Variants in ZBTB20 observed in about 807,000 individuals in gnomAD.
ZBTB20 encodes the protein zinc finger and BTB domain-containing protein 20.
Under a neutral mutation model 56.9 loss-of-function variants are expected in ZBTB20, and 9 were observed. That is an observed-to-expected ratio of 0.16 (90% confidence interval 0.10 to 0.28). The LOEUF is 0.28. ZBTB20 is among the 10% of genes least tolerant of loss of function. The probability of loss-of-function intolerance (pLI) is 1.00; values close to 1 mark genes in which losing one functional copy is unlikely to be tolerated. For missense variants in ZBTB20, 655 were observed against 1,003.0 expected, an observed-to-expected ratio of 0.65 and a Z score of 4.69; for synonymous variants, 417 against 420.7, an observed-to-expected ratio of 0.99 and a Z score of 0.11.
intron 5 of ZBTB20, among the ~76,000 whole-genome samples, chr3:114,741,854 CTGGGTGACA>C (rs2066615271): frequency 6.7e-6 from 1 of 148,618 alleles, no homozygotes; most frequent in Admixed American, 6.8e-5. Context: ...GCACTCCAGC[CTGGGTGACA>C]GAGCAAGACT....
chr3:115,066,706 CCATCTT>C (rs1242458356), intron 2 of ZBTB20, among the ~76,000 whole-genome samples: 1 of 152,050 alleles, frequency 6.6e-6, no homozygotes, highest in East Asian at 1.9e-4. Context: ...ACTTATCCCT[CCATCTT>C]CATCTCCTGT....
intron 4 of ZBTB20, among the ~76,000 whole-genome samples, chr3:114,846,076 G>A (rs2074687266): frequency 6.6e-6 from 1 of 152,108 alleles, no homozygotes; most frequent in African/African-American, 2.4e-5. Flanking sequence ...AAACACACAA[G>A]AGATATGTAT....
At chr3:114,768,438 G>A (rs556527337) in intron 5 of ZBTB20, among the ~76,000 whole-genome samples, 2 of 151,970 alleles carry the variant, frequency 1.3e-5, no homozygotes, top group Admixed American at 1.3e-4. Flanking sequence ...TTGAACATTA[G>A]TCTAATACTT....
At chr3:114,962,292 A>G (rs967108277) in intron 3 of ZBTB20, among the ~76,000 whole-genome samples, 1 of 152,134 alleles carries the variant, frequency 6.6e-6, no homozygotes, top group Admixed American at 6.5e-5. Flanking sequence ...ACAACCATAC[A>G]CAAAATTGTA....
At chr3:114,867,777 C>G (rs1286245598) in intron 4 of ZBTB20, among the ~76,000 whole-genome samples, 2 of 152,156 alleles carry the variant, frequency 1.3e-5, no homozygotes, top group Non-Finnish European at 2.9e-5. Context: ...AGCTATAAAC[C>G]ATAGGGGCAT....
chr3:115,008,226 G>A (rs555946145), intron 2 of ZBTB20, among the ~76,000 whole-genome samples: 1 of 151,818 alleles, frequency 6.6e-6, no homozygotes, highest in Admixed American at 6.6e-5. Flanking sequence ...TCAAACTGCA[G>A]TTTTTAAATC....
At chr3:114,784,739 C>T (rs191259703) in intron 5 of ZBTB20, among the ~76,000 whole-genome samples, 1 of 152,042 alleles carries the variant, frequency 6.6e-6, no homozygotes, top group Non-Finnish European at 1.5e-5. Context: ...TGAATAAATG[C>T]CAGTTTTTCC....
chr3:114,621,419 T>C (rs1039427553), intron 6 of ZBTB20, among the ~76,000 whole-genome samples: 19 of 152,264 alleles, frequency 1.2e-4, no homozygotes, highest in Admixed American at 1.0e-3. Context: ...AGATATATGG[T>C]TGTGCGTATA....
chr3:114,884,544 CA>C (rs1412484868), intron 4 of ZBTB20, among the ~76,000 whole-genome samples: 3 of 152,086 alleles, frequency 2.0e-5, no homozygotes, highest in African/African-American at 7.2e-5. Flanking sequence ...AAGGAAAATT[CA>C]ATCAAAGATC....
At chr3:114,355,291 T>C (rs1377284190) in intron 10 of ZBTB20, among the ~76,000 whole-genome samples, 2 of 152,168 alleles carry the variant, frequency 1.3e-5, no homozygotes, top group Admixed American at 1.3e-4. Context: ...GCGATAATAT[T>C]GCCACCAACT....
chr3:115,124,191 G>C (rs1489335973), intron 1 of ZBTB20, among the ~76,000 whole-genome samples: 2 of 152,172 alleles, frequency 1.3e-5, no homozygotes, highest in Non-Finnish European at 2.9e-5. Context: ...AGTAATGTAA[G>C]TGAATAGTAT....
chr3:114,631,226 A>G (rs754903356), intron 6 of ZBTB20, among the ~76,000 whole-genome samples: 1 of 152,030 alleles, frequency 6.6e-6, no homozygotes. Flanking sequence ...CAGAAGAGTC[A>G]TTACAAACAA....
chr3:115,003,526 C>T (rs2079341003), intron 2 of ZBTB20, among the ~76,000 whole-genome samples: 2 of 151,254 alleles, frequency 1.3e-5, no homozygotes, highest in African/African-American at 4.8e-5. Context: ...AAACAGGAAA[C>T]ATAAAACAAC....
intron 6 of ZBTB20, among the ~76,000 whole-genome samples, chr3:114,641,047 T>C (rs1348333040): frequency 6.6e-6 from 1 of 152,118 alleles, no homozygotes; most frequent in Non-Finnish European, 1.5e-5. Context: ...AACATTATTA[T>C]TAACCCTTTC....
chr3:114,665,812 A>G (rs17681249), intron 6 of ZBTB20, among the ~76,000 whole-genome samples: 1 of 152,040 alleles, frequency 6.6e-6, no homozygotes, highest in African/African-American at 2.4e-5. Context: ...ATGTTACTTA[A>G]CAGACATCAC....
At chr3:115,045,959 C>CCATTG (rs1560522444) in intron 2 of ZBTB20, among the ~76,000 whole-genome samples, 3 of 152,172 alleles carry the variant, frequency 2.0e-5, no homozygotes, top group African/African-American at 7.2e-5. Context: ...TGTTTACAAT[C>CCATTG]TTTCATCAAG....
intron 6 of ZBTB20, among the ~76,000 whole-genome samples, chr3:114,649,578 A>G (rs2060022187): frequency 6.6e-6 from 1 of 151,948 alleles, no homozygotes; most frequent in African/African-American, 2.4e-5. Context: ...TAGGTGAATA[A>G]GCTGACAACA....
intron 6 of ZBTB20, among the ~76,000 whole-genome samples, chr3:114,642,245 C>T (rs750754482): frequency 1.1e-4 from 16 of 152,006 alleles, no homozygotes; most frequent in African/African-American, 1.9e-4. Flanking sequence ...CTTCTCCAAT[C>T]TCTTGGAGAA....
At chr3:114,459,008 T>C (rs764403043) in intron 7 of ZBTB20, among the ~76,000 whole-genome samples, 5 of 152,174 alleles carry the variant, frequency 3.3e-5, no homozygotes, top group Non-Finnish European at 2.9e-5. Context: ...TACATTTGTA[T>C]GAATAAGTCA....
Sources: allele counts gnomAD v4.1 joint callset (sites outside exome capture counted in the v4.1 genomes callset), GRCh38; gene constraint gnomAD v4.1.1; transcripts MANE v1.5; gene names NCBI Gene and HGNC (gene_info 2026-07-23, HGNC 2026-07-21).